Variants in MYO6 observed in about 807,000 individuals in gnomAD.
MYO6 encodes myosin VI.
Under a neutral mutation model 178.7 loss-of-function variants are expected in MYO6, and 74 were observed. That is an observed-to-expected ratio of 0.41 (90% CI 0.34 to 0.50). The LOEUF is 0.50. Among genes scored for constraint, MYO6 ranks in the 20% least tolerant of loss-of-function variants. MYO6 has a pLI of 0.09. For missense variants in MYO6, 1,330 were observed against 1,547.4 expected (o/e 0.86, Z 2.36); for synonymous variants, 477 against 504.6 (o/e 0.95, Z 0.73).
chr6:75,864,408 A>G (rs1375603266), intron 16 of MYO6, among the ~76,000 whole-genome samples: 2 of 152,236 alleles, frequency 1.3e-5, no homozygotes, highest in African/African-American at 4.8e-5. Flanking sequence ...GTATCCCTAT[A>G]TATTTCTTGT....
chr6:75,869,188 C>T (rs1018940719), intron 18 of MYO6, among the ~76,000 whole-genome samples: 1 of 146,854 alleles, frequency 6.8e-6, no homozygotes, highest in South Asian at 2.1e-4. Flanking sequence ...ACTTTTCAGG[C>T]ATGGTGGTTC....
At chr6:75,772,271 T>C (rs1340116436) in intron 1 of MYO6, among the ~76,000 whole-genome samples, 1 of 152,168 alleles carries the variant, frequency 6.6e-6, no homozygotes, top group African/African-American at 2.4e-5. Flanking sequence ...ACATTCTATG[T>C]TCGGAGATGT....
At chr6:75,901,487 T>C (rs1779772324) in intron 30 of MYO6, among the ~76,000 whole-genome samples, 1 of 152,190 alleles carries the variant, frequency 6.6e-6, no homozygotes, top group Non-Finnish European at 1.5e-5. Flanking sequence ...TTTGAAGCAA[T>C]TGTGAATGGG....
At chr6:75,841,094 AATATT>A (rs1275855387) in intron 8 of MYO6, 115 bp from the exon 9 acceptor site, 1 of 976,414 alleles carries the variant, frequency 1.0e-6, no homozygotes, top group African/African-American at 1.6e-5. Flanking sequence ...TTATTTGGTG[AATATT>A]ATAACCTCTT....
chr6:75,833,131 C>T (rs546200840), intron 6 of MYO6, among the ~76,000 whole-genome samples, 184 bp downstream of exon 6: 48 of 152,292 alleles, frequency 3.2e-4, no homozygotes, highest in Admixed American at 7.8e-4. Context: ...GGACTATAGG[C>T]ACATGCCACC....
intron 1 of MYO6, among the ~76,000 whole-genome samples, chr6:75,769,352 G>A (rs1238581837): frequency 6.6e-6 from 1 of 152,164 alleles, no homozygotes; most frequent in Non-Finnish European, 1.5e-5. Flanking sequence ...CCATGAGCCT[G>A]TAAAATCAAA....
chr6:75,870,583 T>C, intron 18 of MYO6, 64 bp from the exon 19 acceptor site: 1 of 1,296,184 alleles, frequency 7.7e-7, no homozygotes, highest in Non-Finnish European at 1.1e-6. Flanking sequence ...AGAGCTAATA[T>C]TAACTCATGA....
rs939939501 is a variant in MYO6 at position 75,917,338 on chromosome 6, T to G, written c.*2326T>G. 6.5e-6 allele frequency: 1 copy of G among 152,690 alleles called. No individual in the cohort carries two copies. The highest frequency in any genetic ancestry group is 1.5e-5 in the Non-Finnish European group (1 of 68,052). The allele number at this position is 152,690 out of a possible 1,614,324, so 9.5% of individuals were successfully genotyped here. On this transcript the variant is annotated 3_prime_UTR_variant, in exon 35 of 35. Transcript: ENST00000369977. The stretch of plus-strand genomic sequence containing the variant: ...TACCAGTTCTTTCCATAGCATATGC[T>G]TTGCAAAGGCAGCATGCATAAAATA...
At chr6:75,860,962 G>A (rs777609238) in intron 14 of MYO6, 61 bp from the exon 15 acceptor site, 1 of 1,203,496 alleles carries the variant, frequency 8.3e-7, no homozygotes, top group Non-Finnish European at 1.2e-6. Context: ...TTCAGAAACA[G>A]TGCAAAATTC....
chr6:75,830,596 A>G (rs372771547), intron 5 of MYO6, 51 bp downstream of exon 5: 61 of 1,534,182 alleles, frequency 4.0e-5, no homozygotes, highest in East Asian at 1.1e-4. Flanking sequence ...ATATTGTACA[A>G]ATTTACTCAA....
intron 1 of MYO6, among the ~76,000 whole-genome samples, chr6:75,780,402 A>G (rs1005723387): frequency 3.3e-5 from 5 of 152,224 alleles, no homozygotes; most frequent in African/African-American, 9.6e-5. Flanking sequence ...AGATTGTGCC[A>G]CAGCACTCCA....
chr6:75,770,092 A>C (rs118090657), intron 1 of MYO6, among the ~76,000 whole-genome samples: 36 of 152,102 alleles, frequency 2.4e-4, no homozygotes, highest in Non-Finnish European at 4.6e-4. Flanking sequence ...ACCCTAGTAG[A>C]TTTCTCTGTT....
intron 26 of MYO6, among the ~76,000 whole-genome samples, chr6:75,890,592 G>T (rs777191140): frequency 3.3e-5 from 5 of 152,094 alleles, no homozygotes; most frequent in African/African-American, 9.7e-5. Flanking sequence ...GGATCCACCC[G>T]CCTCGGCCTC....
At chr6:75,829,820 T>G (rs1006657075) in intron 4 of MYO6, among the ~76,000 whole-genome samples, 11 of 152,140 alleles carry the variant, frequency 7.2e-5, no homozygotes, top group Non-Finnish European at 8.8e-5. Flanking sequence ...CCCATAAATG[T>G]TCTAGGCAAT....
chr6:75,787,728 CTCTATATATATATATATA>C (rs1767783574), intron 1 of MYO6, among the ~76,000 whole-genome samples: 1 of 16,384 alleles, frequency 6.1e-5, no homozygotes, highest in African/African-American at 2.5e-4. Flanking sequence ...CTCTCTCTCT[CTCTATATATATATATATA>C]TATATATATA....
Position 75,918,599 on chromosome 6 carries a change from A to C in MYO6, c.*3587A>C. The C allele has an allele frequency of 6.6e-6, 1 of 152,268 alleles. No individual in the cohort carries two copies. Among genetic ancestry groups the C allele is most frequent in the Non-Finnish European group, 1.5e-5 (1 of 68,058 alleles). The allele number at this position is 152,268 out of a possible 1,614,324, so 9.4% of individuals were successfully genotyped here. ...GCAGTAAATAGGCATTCTGTACATAAGCCTCATGGAAGGGTAAGATGGAGA... is the reference window on the plus strand; with the variant it reads ...GCAGTAAATAGGCATTCTGTACATACGCCTCATGGAAGGGTAAGATGGAGA... On this transcript the variant is annotated 3_prime_UTR_variant, in exon 35 of 35. Coordinates refer to ENST00000369977, the MANE Select transcript of MYO6 (RefSeq NM_004999.4).
intron 1 of MYO6, among the ~76,000 whole-genome samples, chr6:75,774,189 A>G (rs1766151083): frequency 6.6e-6 from 1 of 152,208 alleles, no homozygotes; most frequent in Admixed American, 6.5e-5. Flanking sequence ...GTTAAATATA[A>G]CAGGTAATAT....
intron 1 of MYO6, among the ~76,000 whole-genome samples, chr6:75,798,534 A>G (rs1399983196): frequency 1.3e-5 from 2 of 152,234 alleles, no homozygotes; most frequent in African/African-American, 4.8e-5. Context: ...GGATCATCTC[A>G]ATAGAGGCAG....
At chr6:75,800,819 C>A (rs918094264) in intron 1 of MYO6, among the ~76,000 whole-genome samples, 3 of 152,164 alleles carry the variant, frequency 2.0e-5, no homozygotes. Context: ...CCCCCAGGTT[C>A]AAGCAGTTCT....
Sources: allele counts gnomAD v4.1 joint callset (sites outside exome capture counted in the v4.1 genomes callset), GRCh38; gene constraint gnomAD v4.1.1; transcripts MANE v1.5; gene names NCBI Gene and HGNC (gene_info 2026-07-23, HGNC 2026-07-21).